Variants in RAD51B observed in about 807,000 individuals in gnomAD.
RAD51B encodes DNA repair protein RAD51 homolog 2.
RAD51B carries 38 observed loss-of-function variants against 42.2 expected under a neutral mutation model. That is an observed-to-expected ratio of 0.90 (90% CI 0.70 to 1.18). The LOEUF (loss-of-function observed/expected upper bound fraction) is 1.18. Among genes scored for constraint, RAD51B ranks in the 50% most tolerant of loss-of-function variants. The probability of loss-of-function intolerance (pLI) is 0.00; values close to 1 mark genes in which losing one functional copy is unlikely to be tolerated. For synonymous variants in RAD51B, 154 were observed against 145.2 expected, an observed-to-expected ratio of 1.06 and a Z score of -0.43; for missense variants, 373 against 400.7, an observed-to-expected ratio of 0.93 and a Z score of 0.59.
chr14:67,990,813 C>A (rs148276514), intron 7 of RAD51B, among the ~76,000 whole-genome samples: 2 of 152,000 alleles, frequency 1.3e-5, no homozygotes, highest in Non-Finnish European at 1.5e-5. Context: ...TAGGTGACAG[C>A]GTGAAAAGCA....
At chr14:68,332,996 G>C (rs188265644) in intron 8 of RAD51B, among the ~76,000 whole-genome samples, 2 of 152,266 alleles carry the variant, frequency 1.3e-5, no homozygotes, top group African/African-American at 4.8e-5. Flanking sequence ...CAGGAAAATG[G>C]ATAGGTAGAT....
chr14:67,830,578 T>A (rs548587810), intron 3 of RAD51B, among the ~76,000 whole-genome samples: 40 of 152,094 alleles, frequency 2.6e-4, no homozygotes, highest in African/African-American at 6.7e-4. Context: ...ATTTTTGTAT[T>A]TTTAGTAGAG....
At chr14:68,406,624 C>T (rs1215436216) in intron 8 of RAD51B, among the ~76,000 whole-genome samples, 1 of 152,152 alleles carries the variant, frequency 6.6e-6, no homozygotes, top group African/African-American at 2.4e-5. Flanking sequence ...ACTTCATAAA[C>T]CCCGTATCCT....
chr14:67,861,196 C>A (rs976286901), intron 4 of RAD51B, among the ~76,000 whole-genome samples: 1 of 149,146 alleles, frequency 6.7e-6, no homozygotes. Context: ...CTGTCACAAA[C>A]CAAAACAAAA....
chr14:68,574,377 T>C (rs1889865839), intron 10 of RAD51B, among the ~76,000 whole-genome samples: 1 of 152,234 alleles, frequency 6.6e-6, no homozygotes, highest in African/African-American at 2.4e-5. Flanking sequence ...TGTGAGCCAC[T>C]GCACCCGGCC....
At chr14:68,398,841 G>A (rs1156969888) in intron 8 of RAD51B, among the ~76,000 whole-genome samples, 1 of 152,186 alleles carries the variant, frequency 6.6e-6, no homozygotes. Flanking sequence ...TGGACTGTCT[G>A]CGGGATCTGA....
chr14:68,584,892 CGA>C (rs1196146679), intron 10 of RAD51B, among the ~76,000 whole-genome samples: 5 of 152,086 alleles, frequency 3.3e-5, no homozygotes, highest in Non-Finnish European at 5.9e-5. Flanking sequence ...ATGAGGAAAC[CGA>C]GAGAGAGGAA....
At chr14:68,197,834 C>G (rs1451309383) in intron 7 of RAD51B, among the ~76,000 whole-genome samples, 3 of 151,934 alleles carry the variant, frequency 2.0e-5, no homozygotes, top group African/African-American at 7.2e-5. Flanking sequence ...GGCTGTTTGT[C>G]TTTTTATTGT....
chr14:67,932,139 C>T (rs2044761575), intron 7 of RAD51B, among the ~76,000 whole-genome samples: 1 of 152,090 alleles, frequency 6.6e-6, no homozygotes, highest in Non-Finnish European at 1.5e-5. Context: ...TCCCTCCTAC[C>T]TCATGTATTT....
At chr14:68,548,783 C>G (rs375021766) in intron 10 of RAD51B, among the ~76,000 whole-genome samples, 2 of 152,184 alleles carry the variant, frequency 1.3e-5, no homozygotes, top group African/African-American at 2.4e-5. Flanking sequence ...ATTATCCCCC[C>G]ACCCAGGGCA....
intron 7 of RAD51B, among the ~76,000 whole-genome samples, chr14:68,120,740 C>T (rs419450): frequency 0.17 from 26,536 of 151,880 alleles, 2,511 homozygotes; most frequent in Middle Eastern, 0.35. Context: ...TGCTTGGGCC[C>T]GGGCTCTGTC....
chr14:67,844,622 A>G (rs977283768), intron 4 of RAD51B, among the ~76,000 whole-genome samples: 3 of 147,398 alleles, frequency 2.0e-5, no homozygotes, highest in Admixed American at 1.3e-4. Flanking sequence ...TTATATATAT[A>G]TATTTTTTTT....
At chr14:68,563,762 C>T (rs1248459952) in intron 10 of RAD51B, 5 of 985,216 alleles carry the variant, frequency 5.1e-6, no homozygotes, top group Non-Finnish European at 6.0e-6. Context: ...ACTGTATAAA[C>T]TCTGAGGCGT....
chr14:68,556,254 C>G (rs1285151155), intron 10 of RAD51B, among the ~76,000 whole-genome samples: 3 of 152,202 alleles, frequency 2.0e-5, no homozygotes, highest in Non-Finnish European at 4.4e-5. Context: ...TGAAAACCCA[C>G]CCAGACCAGA....
chr14:67,993,821 G>C (rs1296764557), intron 7 of RAD51B, among the ~76,000 whole-genome samples: 1 of 151,994 alleles, frequency 6.6e-6, no homozygotes, highest in Non-Finnish European at 1.5e-5. Context: ...AGTGTATGAG[G>C]GTTCTCTAGT....
rs2081326530 is a variant in RAD51B, at chr14:68,281,950, G to A, written c.757-9934G>A. Among the ~76,000 whole-genome samples, 5 of 151,718 alleles carry A rather than the reference G, an allele frequency of 3.3e-5. No homozygotes were observed. In the South Asian group the frequency reaches 1.0e-3, roughly 32 times the overall value. ...TCTGGCAGTAGGGCTTGTGCCTCAA[G>A]TGTGATCTGCCTTTGGCCAGGACAT... is the stretch of plus-strand genomic sequence containing the variant. On this transcript the variant is annotated intron_variant, in intron 7 of 10. Coordinates refer to ENST00000471583, the MANE Select transcript of RAD51B (RefSeq NM_133510.4).
chr14:68,638,037 G>A (rs865879926), intron 10 of RAD51B, among the ~76,000 whole-genome samples: 10 of 152,248 alleles, frequency 6.6e-5, no homozygotes, highest in African/African-American at 2.2e-4. Context: ...TTTTCTCCTG[G>A]CTAGTTTGCA....
At chr14:68,502,738 T>G (rs1885011738) in intron 10 of RAD51B, among the ~76,000 whole-genome samples, 6 of 152,166 alleles carry the variant, frequency 3.9e-5, no homozygotes, top group Admixed American at 6.5e-5. Context: ...AAGCTTAATT[T>G]AAAGTGTGTT....
intron 7 of RAD51B, among the ~76,000 whole-genome samples, chr14:68,085,957 G>A (rs1382751178): frequency 2.0e-5 from 3 of 152,322 alleles, no homozygotes; most frequent in South Asian, 4.1e-4. Context: ...CCCAGTGGGC[G>A]TGTGTCACAG....
Sources: gnomAD v4.1 joint callset for allele counts (sites outside exome capture counted in the v4.1 genomes callset) on GRCh38, gnomAD v4.1.1 for gene constraint, MANE v1.5 for transcripts, NCBI Gene and HGNC (gene_info 2026-07-23, HGNC 2026-07-21) for gene names.